Variants in CACNA1E observed in about 807,000 individuals in gnomAD.
The protein encoded by CACNA1E is calcium voltage-gated channel subunit alpha1 E, also known as voltage-dependent R-type calcium channel subunit alpha-1E.
A neutral mutation model predicts 259.2 loss-of-function variants in CACNA1E; 40 were observed. The observed-to-expected ratio is 0.15, with a 90% CI of 0.12 to 0.20. The LOEUF is 0.20. CACNA1E is among the 10% of genes least tolerant of loss of function. The pLI is 1.00. For synonymous variants in CACNA1E, 1,104 were observed against 1,138.5 expected, an observed-to-expected ratio of 0.97 and a Z score of 0.61; for missense variants, 1,874 against 3,040.1, an observed-to-expected ratio of 0.62 and a Z score of 9.02.
intron 2 of CACNA1E, among the ~76,000 whole-genome samples, chr1:181,467,618 T>C (rs1210711298): frequency 6.6e-6 from 1 of 152,138 alleles, no homozygotes; most frequent in Admixed American, 6.5e-5. Context: ...TGCAGGCCTA[T>C]GAGACCATCA....
rs1298561376 is a variant in CACNA1E at position 181,485,284 on chromosome 1, C to A, written c.266+1274C>A. 5.3e-5 allele frequency among the ~76,000 whole-genome samples: 8 copies of A among 152,162 alleles called. No homozygotes were observed. The highest frequency in any genetic ancestry group is 1.7e-4 in the African/African-American group (7 of 41,418). ...TTGGGTCTCTAGTATTAGCCAGACACGCGGCTCATTTCCCCCAGGGCCTGG... is the reference window on the plus strand; with the variant it reads ...TTGGGTCTCTAGTATTAGCCAGACAAGCGGCTCATTTCCCCCAGGGCCTGG... On this transcript the variant is annotated intron_variant, in intron 1 of 47. Coordinates refer to ENST00000367573, the MANE Select transcript of CACNA1E (RefSeq NM_001205293.3). The surrounding 1 kb of genome is among the most constrained non-coding windows in gnomAD (Gnocchi z 4.2).
intron 1 of CACNA1E, among the ~76,000 whole-genome samples, chr1:181,402,974 C>T (rs1657211094): frequency 6.6e-6 from 1 of 152,028 alleles, no homozygotes; most frequent in Admixed American, 6.6e-5. Flanking sequence ...AGTACTTACC[C>T]AATAGGTTGG....
At chr1:181,394,787 A>C (rs1656539234) in intron 1 of CACNA1E, among the ~76,000 whole-genome samples, 1 of 152,220 alleles carries the variant, frequency 6.6e-6, no homozygotes, top group Non-Finnish European at 1.5e-5. Context: ...CAGACAGAAG[A>C]AACAGTCAGT....
chr1:181,584,552 T>C (rs554362119), intron 6 of CACNA1E, among the ~76,000 whole-genome samples: 5 of 152,340 alleles, frequency 3.3e-5, no homozygotes, highest in African/African-American at 7.2e-5. Context: ...ATAGTCAGGA[T>C]TTATTAAATG....
intron 6 of CACNA1E, among the ~76,000 whole-genome samples, chr1:181,604,011 T>C (rs1403002492): frequency 6.6e-6 from 1 of 152,198 alleles, no homozygotes; most frequent in Non-Finnish European, 1.5e-5. Context: ...TGCCCTTCCC[T>C]GTGGGTGGCA....
intron 1 of CACNA1E, among the ~76,000 whole-genome samples, chr1:181,386,595 C>T (rs1655866917): frequency 6.6e-6 from 1 of 152,156 alleles, no homozygotes; most frequent in Admixed American, 6.5e-5. Flanking sequence ...AGCAGCTAGC[C>T]ATGGAAACTA....
chr1:181,714,743 CCT>C (rs1467957428), intron 8 of CACNA1E, among the ~76,000 whole-genome samples: 1 of 152,206 alleles, frequency 6.6e-6, no homozygotes, highest in Non-Finnish European at 1.5e-5. Context: ...TTGGCCCAAG[CCT>C]CTTTGGCTCA....
At chr1:181,773,631 G>T (rs199931) in intron 37 of CACNA1E, among the ~76,000 whole-genome samples, 37,613 of 152,072 alleles carry the variant, frequency 0.25, 4,719 homozygotes, top group South Asian at 0.34. Flanking sequence ...GCCATTGTGA[G>T]GTTCACTCTC....
At chr1:181,539,466 C>G (rs544018335) in intron 3 of CACNA1E, among the ~76,000 whole-genome samples, 3 of 152,128 alleles carry the variant, frequency 2.0e-5, no homozygotes, top group African/African-American at 4.8e-5. Context: ...TTCAAGGATA[C>G]CTTTAAGGCC....
intron 6 of CACNA1E, among the ~76,000 whole-genome samples, chr1:181,601,278 AT>A (rs1282007636): frequency 6.6e-6 from 1 of 152,094 alleles, no homozygotes; most frequent in Non-Finnish European, 1.5e-5. Flanking sequence ...TTAAAGCTTA[AT>A]TTTTATTTCT....
At chr1:181,703,682 T>C (rs1652501673) in intron 7 of CACNA1E, among the ~76,000 whole-genome samples, 1 of 152,160 alleles carries the variant, frequency 6.6e-6, no homozygotes, top group Non-Finnish European at 1.5e-5. Context: ...AACTGAAATG[T>C]CATGAAGCTG....
chr1:181,415,024 G>A (rs1256328186), intron 2 of CACNA1E, among the ~76,000 whole-genome samples: 3 of 152,186 alleles, frequency 2.0e-5, no homozygotes, highest in South Asian at 2.1e-4. Context: ...TCATGACTTC[G>A]AAAGACAAGT....
chr1:181,407,771 G>GGTCATTCCCT (rs1452527190), intron 1 of CACNA1E, among the ~76,000 whole-genome samples: 1 of 152,174 alleles, frequency 6.6e-6, no homozygotes, highest in Non-Finnish European at 1.5e-5. Flanking sequence ...ATGCTGAGTA[G>GGTCATTCCCT]GTCATTCCCT....
chr1:181,506,911 A>G (rs1364612782), intron 1 of CACNA1E, among the ~76,000 whole-genome samples: 1 of 151,994 alleles, frequency 6.6e-6, no homozygotes, highest in South Asian at 2.1e-4. Flanking sequence ...GCCCACAGTT[A>G]CACAGAATCT....
chr1:181,518,555 C>T (rs541433819), intron 3 of CACNA1E, among the ~76,000 whole-genome samples: 73 of 152,270 alleles, frequency 4.8e-4, no homozygotes, highest in African/African-American at 1.3e-3. Flanking sequence ...TTAAAGGTCT[C>T]TTCTTAGCTC....
intron 18 of CACNA1E, among the ~76,000 whole-genome samples, chr1:181,726,877 G>A (rs1050177770): frequency 2.0e-5 from 3 of 152,114 alleles, no homozygotes; most frequent in Admixed American, 1.3e-4. Context: ...CCATTCAGTC[G>A]GTAGTTTGGA....
intron 2 of CACNA1E, among the ~76,000 whole-genome samples, chr1:181,436,634 C>T (rs963074151): frequency 1.3e-5 from 2 of 152,068 alleles, no homozygotes; most frequent in Non-Finnish European, 2.9e-5. Context: ...TATGAGCTCA[C>T]TTATATGTGG....
chr1:181,586,699 A>G (rs1254693244), intron 6 of CACNA1E, among the ~76,000 whole-genome samples: 1 of 152,254 alleles, frequency 6.6e-6, no homozygotes, highest in African/African-American at 2.4e-5. Context: ...GGTCATTTGT[A>G]TAAATTCATC....
In CACNA1E at chr1:181,721,880, C is replaced by T; in HGVS notation, c.2074+5C>T. 2 of 1,571,458 alleles carry T rather than the reference C, an allele frequency of 1.3e-6. No individual in the cohort carries two copies. The highest frequency in any genetic ancestry group is 1.8e-6 in the Non-Finnish European group (2 of 1,140,932). On this transcript the variant is annotated splice_donor_5th_base_variant and intron_variant, in intron 16 of 47. Coordinates refer to ENST00000367573, the MANE Select transcript of CACNA1E (RefSeq NM_001205293.3). ...TGCTCACCTTGTTTGGCAACTGTAT[C>T]CTTTTTAAGATGCACCTCCTCAAGC...
Sources: gnomAD v4.1 joint callset for allele counts (sites outside exome capture counted in the v4.1 genomes callset) on GRCh38, gnomAD v4.1.1 for gene constraint, Gnocchi (gnomAD v3.1) non-coding constraint, MANE v1.5 for transcripts, NCBI Gene and HGNC (gene_info 2026-07-23, HGNC 2026-07-21) for gene names.